Variants in NTM observed in about 807,000 individuals in gnomAD.
NTM encodes the protein IgLON family member 2.
Under a neutral mutation model 42.1 loss-of-function variants are expected in NTM, and 13 were observed. The ratio of observed to expected loss-of-function variants is 0.31; its 90% CI spans 0.20 to 0.49. The LOEUF (loss-of-function observed/expected upper bound fraction) is 0.49, where lower values mean the gene tolerates loss of function less well. Among genes scored for constraint, NTM ranks in the 20% least tolerant of loss-of-function variants. NTM has a pLI of 0.99. For synonymous variants in NTM, 187 were observed against 179.2 expected (o/e 1.04, Z -0.35); for missense variants, 373 against 452.8 (o/e 0.82, Z 1.60).
At chr11:131,589,728 G>A (rs998199851) in intron 1 of NTM, among the ~76,000 whole-genome samples, 15 of 152,008 alleles carry the variant, frequency 9.9e-5, no homozygotes, top group Admixed American at 5.9e-4. Context: ...ACACACATGC[G>A]CACACACATG....
At chr11:132,112,208 TAAAC>T (rs77888752) in intron 2 of NTM, among the ~76,000 whole-genome samples, 54,945 of 151,716 alleles carry the variant, frequency 0.36, 10,224 homozygotes, top group African/African-American at 0.45. Context: ...TGGAGCATCT[TAAAC>T]AGACCACAAT....
chr11:131,647,321 G>C (rs1403282438), intron 1 of NTM, among the ~76,000 whole-genome samples: 1 of 152,222 alleles, frequency 6.6e-6, no homozygotes, highest in African/African-American at 2.4e-5. Flanking sequence ...TAGCTGCGCG[G>C]ATGGACATCA....
intron 1 of NTM, among the ~76,000 whole-genome samples, chr11:131,592,647 AACACACACACACAC>A (rs3040142): frequency 4.8e-4 from 67 of 140,786 alleles, no homozygotes; most frequent in African/African-American, 1.1e-3. Flanking sequence ...ACACACCCCA[AACACACACACACAC>A]ACACACACAC....
intron 4 of NTM, among the ~76,000 whole-genome samples, chr11:132,276,274 T>C (rs1212567235): frequency 6.6e-6 from 1 of 152,258 alleles, no homozygotes. Context: ...TCATATCTTG[T>C]CTATTGTGAA....
At chr11:131,794,979 G>T (rs1453437106) in intron 1 of NTM, 1 of 985,210 alleles carries the variant, frequency 1.0e-6, no homozygotes, top group Non-Finnish European at 1.2e-6. Context: ...CACTGGAGGG[G>T]CAGCCTTGGG....
chr11:131,492,355 C>G (rs1370559949), intron 1 of NTM, among the ~76,000 whole-genome samples: 1 of 152,108 alleles, frequency 6.6e-6, no homozygotes, highest in Non-Finnish European at 1.5e-5. Context: ...CCCTTGAGTG[C>G]ATTTCATTTT....
At chr11:131,449,952 C>T (rs1394516767) in intron 1 of NTM, among the ~76,000 whole-genome samples, 2 of 152,176 alleles carry the variant, frequency 1.3e-5, no homozygotes, top group African/African-American at 4.8e-5. Context: ...TTTACTCACG[C>T]ACGCATTGGA....
intron 3 of NTM, among the ~76,000 whole-genome samples, chr11:132,160,549 C>T (rs544138453): frequency 5.9e-5 from 9 of 152,308 alleles, no homozygotes; most frequent in African/African-American, 2.2e-4. Context: ...CCAGGCATCA[C>T]GCTACACTCA....
chr11:132,194,037 A>T (rs1265217277), intron 3 of NTM, among the ~76,000 whole-genome samples: 1 of 152,144 alleles, frequency 6.6e-6, no homozygotes, highest in Non-Finnish European at 1.5e-5. Flanking sequence ...TACCAGATGT[A>T]CAAAGAGCTA....
chr11:132,006,321 G>A (rs2070773953), intron 2 of NTM, among the ~76,000 whole-genome samples: 1 of 152,104 alleles, frequency 6.6e-6, no homozygotes, highest in South Asian at 2.1e-4. Context: ...ATTTGTTTGT[G>A]GTTTTTTTCC....
chr11:131,522,808 A>G (rs942160936), intron 1 of NTM, among the ~76,000 whole-genome samples: 3 of 152,228 alleles, frequency 2.0e-5, no homozygotes, highest in African/African-American at 7.2e-5. Flanking sequence ...AGGTCAGTCA[A>G]TGGCCTTCAA....
rs954188094 is a variant in NTM at position 131,726,541 on chromosome 11, C to G, written c.83-185023C>G. ...TTGGTTCTGGAGAGTGATCGCACAG[C>G]ACAGAACAGAAAATGGCTTAAAATT... On this transcript the variant is annotated intron_variant, in intron 1 of 8. Coordinates refer to ENST00000683400, the MANE Select transcript of NTM (RefSeq NM_001352005.2). Among the ~76,000 whole-genome samples, 13 of 151,148 alleles carry G rather than the reference C, an allele frequency of 8.6e-5. 2 individuals carry two copies. The highest frequency in any genetic ancestry group is 3.2e-4 in the African/African-American group (13 of 40,478).
intron 4 of NTM, among the ~76,000 whole-genome samples, chr11:132,306,058 G>A (rs973035262): frequency 3.9e-5 from 6 of 152,166 alleles, no homozygotes; most frequent in Admixed American, 6.5e-5. Context: ...ATGAGATGAG[G>A]CCCCGGTTGG....
intron 1 of NTM, among the ~76,000 whole-genome samples, chr11:131,450,601 T>G (rs148308445): frequency 2.0e-5 from 3 of 152,226 alleles, no homozygotes; most frequent in Admixed American, 6.5e-5. Context: ...CACACTCTTA[T>G]GCATGCTCCT....
intron 2 of NTM, among the ~76,000 whole-genome samples, chr11:132,078,963 C>T (rs760652327): frequency 6.6e-6 from 1 of 152,146 alleles, no homozygotes; most frequent in Non-Finnish European, 1.5e-5. Context: ...GAGCATCCGA[C>T]CTGATTTTGC....
intron 1 of NTM, among the ~76,000 whole-genome samples, chr11:131,481,713 C>G (rs567577377): frequency 6.6e-6 from 1 of 152,306 alleles, no homozygotes; most frequent in South Asian, 2.1e-4. Flanking sequence ...GTCCTCTTGG[C>G]CTCCCCTTAC....
intron 1 of NTM, among the ~76,000 whole-genome samples, chr11:131,573,381 G>A (rs781326428): frequency 4.6e-5 from 7 of 152,212 alleles, no homozygotes; most frequent in Non-Finnish European, 8.8e-5. Context: ...GTGCCTCACA[G>A]TAGAAAACCA....
chr11:131,666,678 C>T (rs750493629), intron 1 of NTM, among the ~76,000 whole-genome samples: 13 of 152,098 alleles, frequency 8.5e-5, no homozygotes, highest in African/African-American at 1.7e-4. Flanking sequence ...CCAGAGTCCC[C>T]GACCCACAAC....
chr11:132,314,293 G>A (rs1460338928), intron 6 of NTM, among the ~76,000 whole-genome samples: 1 of 152,182 alleles, frequency 6.6e-6, no homozygotes, highest in African/African-American at 2.4e-5. Context: ...AGACTACAAA[G>A]CAAGGATGAG....
Sources: allele counts gnomAD v4.1 joint callset (sites outside exome capture counted in the v4.1 genomes callset), GRCh38; gene constraint gnomAD v4.1.1; transcripts MANE v1.5; gene names NCBI Gene and HGNC (gene_info 2026-07-23, HGNC 2026-07-21).